Variants in FRYL observed in about 807,000 individuals in gnomAD.
FRYL encodes protein furry homolog-like.
A neutral mutation model predicts 351.2 loss-of-function variants in FRYL; 150 were observed. That is an observed-to-expected ratio of 0.43 (90% CI 0.37 to 0.49). The LOEUF (loss-of-function observed/expected upper bound fraction) is 0.49. Among genes scored for constraint, FRYL ranks in the 20% least tolerant of loss-of-function variants. FRYL has a pLI of 0.00. For missense variants in FRYL, 3,036 were observed against 3,619.3 expected, an observed-to-expected ratio of 0.84 and a Z score of 4.13; for synonymous variants, 1,153 against 1,257.1, an observed-to-expected ratio of 0.92 and a Z score of 1.75.
At chr4:48,512,802 C>G in intron 56 of FRYL, 114 bp from the exon 57 acceptor site, 1 of 698,606 alleles carries the variant, frequency 1.4e-6, no homozygotes, top group Non-Finnish European at 2.4e-6. Context: ...ATCATACACA[C>G]TGATTTAGAA....
At chr4:48,660,595 C>T (rs1338856173) in intron 3 of FRYL, among the ~76,000 whole-genome samples, 10 of 152,162 alleles carry the variant, frequency 6.6e-5, no homozygotes, top group Non-Finnish European at 8.8e-5. Context: ...CACCATTTCA[C>T]CTGTGGTGTG....
chr4:48,577,774 G>C (rs1739943560), intron 23 of FRYL, among the ~76,000 whole-genome samples: 1 of 151,890 alleles, frequency 6.6e-6, no homozygotes, highest in Non-Finnish European at 1.5e-5. Context: ...ACTTTGGGAG[G>C]CTGAAGTGGG....
chr4:48,736,052 A>AT (rs1771362446), intron 1 of FRYL, among the ~76,000 whole-genome samples: 1 of 151,990 alleles, frequency 6.6e-6, no homozygotes, highest in East Asian at 1.9e-4. Context: ...CTAAAAATCA[A>AT]TAACAGAGAG....
intron 2 of FRYL, among the ~76,000 whole-genome samples, chr4:48,709,881 T>C (rs1247922009): frequency 3.3e-5 from 5 of 152,246 alleles, no homozygotes; most frequent in Non-Finnish European, 7.3e-5. Flanking sequence ...TGTCATTATA[T>C]ATTTTCATTC....
chr4:48,518,604 G>GCCCA (rs1724168924), intron 55 of FRYL, among the ~76,000 whole-genome samples: 1 of 152,128 alleles, frequency 6.6e-6, no homozygotes, highest in Non-Finnish European at 1.5e-5. Context: ...CAGTGCCTTG[G>GCCCA]CCCACCCCTC....
chr4:48,762,891 T>A (rs1425307087), intron 1 of FRYL, among the ~76,000 whole-genome samples: 3 of 152,004 alleles, frequency 2.0e-5, no homozygotes, highest in African/African-American at 4.8e-5. Context: ...CAAAAATATA[T>A]CAAAATAATG....
At chr4:48,570,594 T>A (rs1248424384) in intron 27 of FRYL, among the ~76,000 whole-genome samples, 3 of 152,228 alleles carry the variant, frequency 2.0e-5, no homozygotes, top group Non-Finnish European at 4.4e-5. Flanking sequence ...AGGAACATTA[T>A]ATCCATTTTT....
intron 1 of FRYL, among the ~76,000 whole-genome samples, chr4:48,777,169 T>C (rs1469679351): frequency 2.0e-5 from 3 of 152,262 alleles, no homozygotes; most frequent in African/African-American, 7.2e-5. Flanking sequence ...ACAGATCTTA[T>C]TGACACATAA....
chr4:48,742,216 T>C (rs1772167602), intron 1 of FRYL, among the ~76,000 whole-genome samples: 1 of 152,246 alleles, frequency 6.6e-6, no homozygotes, highest in Non-Finnish European at 1.5e-5. Flanking sequence ...GAATTTTTTT[T>C]ACTTTATATG....
At chr4:48,743,331 A>G (rs1405335721) in intron 1 of FRYL, among the ~76,000 whole-genome samples, 8 of 152,198 alleles carry the variant, frequency 5.3e-5, no homozygotes, top group Non-Finnish European at 8.8e-5. Context: ...CAGGGGTTCA[A>G]TAAGTTCAAA....
At chr4:48,499,805 AG>A in intron 63 of FRYL, 125 bp from the exon 64 acceptor site, 1 of 960,038 alleles carries the variant, frequency 1.0e-6, no homozygotes, top group Non-Finnish European at 1.5e-6. Context: ...TTAATATTTG[AG>A]CAAATATTAC....
intron 33 of FRYL, among the ~76,000 whole-genome samples, chr4:48,560,635 A>G (rs1416986171): frequency 1.3e-5 from 2 of 152,166 alleles, no homozygotes; most frequent in Non-Finnish European, 2.9e-5. Flanking sequence ...TGTGTTGATG[A>G]TCACTCATAT....
At chr4:48,633,385 A>G (rs1449504450) in intron 4 of FRYL, among the ~76,000 whole-genome samples, 1 of 152,086 alleles carries the variant, frequency 6.6e-6, no homozygotes, top group African/African-American at 2.4e-5. Context: ...TTTGGCTTCA[A>G]TTTACACCCT....
chr4:48,701,730 G>A (rs1202008423), intron 2 of FRYL, among the ~76,000 whole-genome samples: 1 of 152,038 alleles, frequency 6.6e-6, no homozygotes, highest in African/African-American at 2.4e-5. Flanking sequence ...TCAGCTAAGC[G>A]GACAATGAGT....
At chr4:48,769,386 A>G (rs1481073469) in intron 1 of FRYL, among the ~76,000 whole-genome samples, 4 of 152,240 alleles carry the variant, frequency 2.6e-5, no homozygotes, top group Non-Finnish European at 5.9e-5. Context: ...TATCAATACA[A>G]TACTACTAGA....
In FRYL at chr4:48,573,217, A is replaced by G. The variant is rs1738763391; in HGVS notation, c.2873T>C (p.Ile958Thr). 6.2e-7 allele frequency: 1 copy of G among 1,612,144 alleles called. No homozygotes were observed. Among genetic ancestry groups the G allele is most frequent in the Non-Finnish European group, 8.5e-7 (1 of 1,178,240 alleles). Reference sequence around the variant, plus strand: ...CCTTCTTTCGAGTGCTTCTTTAATTATGGGATGTAATTCCTCTATTAGTTC... The same window carrying G: ...CCTTCTTTCGAGTGCTTCTTTAATTGTGGGATGTAATTCCTCTATTAGTTC... ...FRELIEELHPIIKEALERRPE... is the reference protein window; with the variant it reads ...FRELIEELHPTIKEALERRPE... The change falls in exon 26 of 64, where the codon ATA becomes ACA. Residue 958 changes from isoleucine (I) to threonine (T), a missense_variant. Transcript: ENST00000358350.
chr4:48,687,571 G>C (rs936987247), intron 2 of FRYL, among the ~76,000 whole-genome samples: 1 of 151,808 alleles, frequency 6.6e-6, no homozygotes, highest in African/African-American at 2.4e-5. Flanking sequence ...AAAGCTGAAT[G>C]GGTGTTCAAA....
chr4:48,598,782 A>G, intron 13 of FRYL: 1 of 873,792 alleles, frequency 1.1e-6, no homozygotes, highest in Non-Finnish European at 1.4e-6. Flanking sequence ...TGCCACGCTT[A>G]AAGGAAATAA....
Position 48,623,187 on chromosome 4 carries a change from T to TAAA in FRYL, c.121-11_121-9dup, listed in dbSNP as rs375565868. On this transcript the variant is annotated splice_polypyrimidine_tract_variant and intron_variant, in intron 4 of 63. Transcript: ENST00000358350. The stretch of plus-strand genomic sequence containing the variant: ...TCTGGACAATAGCTTCTCCTATGAT[T>TAAA]AAAAAAAACAAACATTAAAAATAAA... The TAAA allele has an allele frequency of 2.6e-5, 28 of 1,091,154 alleles. No individual in the cohort carries two copies. Among genetic ancestry groups the TAAA allele is most frequent in the Admixed American group, 5.3e-5 (2 of 37,460 alleles). 67.6% of individuals were successfully genotyped at this position (1,091,154 alleles called of 1,614,324 possible).
Sources: gnomAD v4.1 joint callset for allele counts (sites outside exome capture counted in the v4.1 genomes callset) on GRCh38, gnomAD v4.1.1 for gene constraint, MANE v1.5 for transcripts, NCBI Gene and HGNC (gene_info 2026-07-23, HGNC 2026-07-21) for gene names.